SLC38A6: variants seen among roughly 807,000 people sequenced by gnomAD.
SLC38A6 encodes solute carrier family 38 member 6.
Under a neutral mutation model 65.0 loss-of-function variants are expected in SLC38A6, and 73 were observed. That is an observed-to-expected ratio of 1.12 (90% confidence interval 0.93 to 1.37). SLC38A6 has a LOEUF of 1.37. Among genes scored for constraint, SLC38A6 ranks in the 40% most tolerant of loss-of-function variants. SLC38A6 has a pLI of 0.00. For synonymous variants in SLC38A6, 183 were observed against 178.8 expected, an observed-to-expected ratio of 1.02 and a Z score of -0.19; for missense variants, 561 against 531.1, an observed-to-expected ratio of 1.06 and a Z score of -0.55.
chr14:60,997,116 G>C (rs1188100798), intron 3 of SLC38A6, among the ~76,000 whole-genome samples: 3 of 152,198 alleles, frequency 2.0e-5, no homozygotes, highest in East Asian at 3.9e-4. Context: ...GGAGTTGTGA[G>C]GTTTTTTGTG....
intron 15 of SLC38A6, among the ~76,000 whole-genome samples, chr14:61,076,817 TC>T (rs1438874560): frequency 6.6e-6 from 1 of 152,202 alleles, no homozygotes; most frequent in Non-Finnish European, 1.5e-5. Flanking sequence ...CAGAGGAAAT[TC>T]TGGACAAAGG....
intron 8 of SLC38A6, among the ~76,000 whole-genome samples, chr14:61,041,136 T>C (rs17256170): frequency 0.24 from 36,070 of 152,066 alleles, 4,704 homozygotes; most frequent in Middle Eastern, 0.31. Flanking sequence ...AGTGAACAAA[T>C]ATTTTTAATA....
intron 15 of SLC38A6, among the ~76,000 whole-genome samples, chr14:61,072,174 T>G (rs1254216033): frequency 1.3e-5 from 2 of 152,216 alleles, no homozygotes; most frequent in Non-Finnish European, 2.9e-5. Context: ...AAATGACACA[T>G]AAGTGAAAAG....
chr14:61,061,095 G>A (rs1051727560), intron 15 of SLC38A6, among the ~76,000 whole-genome samples: 1 of 152,088 alleles, frequency 6.6e-6, no homozygotes, highest in African/African-American at 2.4e-5. Flanking sequence ...CGTCGCTCAC[G>A]CTGGGAGCTG....
intron 15 of SLC38A6, among the ~76,000 whole-genome samples, chr14:61,062,434 T>G (rs957418110): frequency 6.6e-6 from 1 of 152,180 alleles, no homozygotes; most frequent in African/African-American, 2.4e-5. Flanking sequence ...TCTTTTCATA[T>G]GCATATTTGC....
chr14:61,046,305 G>A lies in SLC38A6; in HGVS notation c.925+138G>A, dbSNP rs182392977. 683 of 484,124 alleles carry A rather than the reference G, an allele frequency of 1.4e-3. 3 individuals are homozygous for A. Among genetic ancestry groups the A allele is most frequent in the Middle Eastern group, 1.7e-3 (3 of 1,770 alleles). 30.0% of individuals were successfully genotyped at this position (484,124 alleles called of 1,614,324 possible). A position where few individuals can be genotyped will look rare whatever the true frequency, so the allele number is the denominator to read the frequency against. On this transcript the variant is annotated intron_variant, in intron 12 of 15. Coordinates refer to ENST00000267488, the MANE Select transcript of SLC38A6 (RefSeq NM_153811.3). The stretch of plus-strand genomic sequence containing the variant: ...CCAAATTACAATGCAGTACTGTGGT[G>A]GCTCTTGAGGCCTAAACAATTGGAT...
chr14:61,001,585 T>G (rs1385354527), intron 3 of SLC38A6, among the ~76,000 whole-genome samples: 1 of 152,198 alleles, frequency 6.6e-6, no homozygotes, highest in Non-Finnish European at 1.5e-5. Context: ...TCTTCCCTAG[T>G]TTTATCGCAT....
intron 3 of SLC38A6, among the ~76,000 whole-genome samples, chr14:60,994,756 C>G (rs1343126051): frequency 6.7e-6 from 1 of 148,710 alleles, no homozygotes; most frequent in Non-Finnish European, 1.5e-5. Context: ...GTACTCCCAG[C>G]ACTTTGGGAG....
intron 3 of SLC38A6, among the ~76,000 whole-genome samples, chr14:61,013,933 C>T (rs2039785824): frequency 6.6e-6 from 1 of 152,160 alleles, no homozygotes; most frequent in African/African-American, 2.4e-5. Flanking sequence ...GTTGGCCTGC[C>T]TTGCTAGGCT....
At chr14:60,992,360 A>G (rs1166107888) in intron 3 of SLC38A6, among the ~76,000 whole-genome samples, 1 of 152,264 alleles carries the variant, frequency 6.6e-6, no homozygotes, top group South Asian at 2.1e-4. Context: ...CCACCAGTTT[A>G]TATCTCCTTC....
intron 5 of SLC38A6, among the ~76,000 whole-genome samples, chr14:61,021,720 G>C (rs2040353631): frequency 6.6e-6 from 1 of 152,112 alleles, no homozygotes; most frequent in Non-Finnish European, 1.5e-5. Flanking sequence ...AGCTAGTAAT[G>C]CTTATTTAGT....
At chr14:61,046,655 T>TCA (rs2042167842) in intron 12 of SLC38A6, among the ~76,000 whole-genome samples, 1 of 152,212 alleles carries the variant, frequency 6.6e-6, no homozygotes, top group Non-Finnish European at 1.5e-5. Context: ...TCAGCAGATG[T>TCA]GCATTCTATG....
At chr14:61,083,161 G>T (rs1313246531) in intron 16 of SLC38A6, among the ~76,000 whole-genome samples, 3 of 152,298 alleles carry the variant, frequency 2.0e-5, no homozygotes, top group South Asian at 2.1e-4. Context: ...CTGGCTTCCT[G>T]TTGGGTTCAG....
At chr14:60,988,335 T>C (rs2037607430) in intron 3 of SLC38A6, among the ~76,000 whole-genome samples, 1 of 152,204 alleles carries the variant, frequency 6.6e-6, no homozygotes, top group Admixed American at 6.5e-5. Flanking sequence ...TTGTCATCTA[T>C]AGACTCCTAG....
At chr14:61,071,609 G>A (rs777296908) in intron 15 of SLC38A6, among the ~76,000 whole-genome samples, 4 of 151,984 alleles carry the variant, frequency 2.6e-5, no homozygotes, top group Non-Finnish European at 5.9e-5. Context: ...ATGATCCCAG[G>A]GAGGTTGAGG....
rs2037158180 is a variant in SLC38A6, at chr14:60,982,763, A to G, written c.236+125A>G. ...AGTTAGTTATTTCTGGGGTTTTAGC[A>G]TTTTTCTTGTTATTCTTGTTGCTAG... On this transcript the variant is annotated intron_variant, in intron 2 of 15. Transcript: ENST00000267488. 4.5e-6 allele frequency: 5 copies of G among 1,119,472 alleles called. No homozygotes were observed. The East Asian group carries it at 1.3e-4, about 29-fold the overall frequency. The allele number at this position is 1,119,472 out of a possible 1,614,324, so 69.3% of individuals were successfully genotyped here. A position where few individuals can be genotyped will look rare whatever the true frequency, so the allele number is the denominator to read the frequency against.
intron 16 of SLC38A6, among the ~76,000 whole-genome samples, chr14:61,080,915 C>T (rs1036295842): frequency 6.6e-5 from 10 of 152,158 alleles, no homozygotes; most frequent in Admixed American, 1.3e-4. Flanking sequence ...ATTGTCAGCG[C>T]GAGGGAGGTC....
At chr14:61,072,792 A>T (rs2043274434) in intron 15 of SLC38A6, among the ~76,000 whole-genome samples, 1 of 152,208 alleles carries the variant, frequency 6.6e-6, no homozygotes, top group African/African-American at 2.4e-5. Flanking sequence ...ATGGACACTT[A>T]GGTTACTTCC....
chr14:61,001,943 T>C (rs568401014), intron 3 of SLC38A6: 127 of 152,348 alleles, frequency 8.3e-4, no homozygotes, highest in African/African-American at 2.9e-3. Flanking sequence ...CTATTTCCTA[T>C]AGTCTGTCTG....
Sources: gnomAD v4.1 joint callset for allele counts (sites outside exome capture counted in the v4.1 genomes callset) on GRCh38, gnomAD v4.1.1 for gene constraint, MANE v1.5 for transcripts, NCBI Gene and HGNC (gene_info 2026-07-23, HGNC 2026-07-21) for gene names.